Variants in SMYD3 observed in about 807,000 individuals in gnomAD.
SMYD3 encodes the protein histone-lysine N-methyltransferase SMYD3.
SMYD3 carries 36 observed loss-of-function variants against 57.7 expected under a neutral mutation model. That is an observed-to-expected ratio of 0.62 (90% CI 0.48 to 0.82). SMYD3 has a LOEUF of 0.82. SMYD3 is among the 40% of genes least tolerant of loss of function. The pLI is 0.00. For synonymous variants in SMYD3, 211 were observed against 195.0 expected (o/e 1.08, Z -0.68); for missense variants, 515 against 538.8 (o/e 0.96, Z 0.44).
At chr1:246,506,479 T>A (rs1201296326) in intron 1 of SMYD3, among the ~76,000 whole-genome samples, 1 of 152,126 alleles carries the variant, frequency 6.6e-6, no homozygotes, top group Admixed American at 6.5e-5. Flanking sequence ...ATTCTCTCTC[T>A]CACTTGATCA....
At chr1:246,294,219 T>C (rs2064751147) in intron 5 of SMYD3, among the ~76,000 whole-genome samples, 1 of 152,146 alleles carries the variant, frequency 6.6e-6, no homozygotes, top group Non-Finnish European at 1.5e-5. Context: ...TCCTCATTTC[T>C]AAATACCGGC....
intron 1 of SMYD3, among the ~76,000 whole-genome samples, chr1:246,412,858 CAAA>C (rs35012889): frequency 5.8e-5 from 7 of 120,386 alleles, no homozygotes; most frequent in Admixed American, 8.6e-5. Context: ...GACTCCGTCT[CAAA>C]AAAAAAAAAA....
At chr1:246,060,955 T>C (rs552356304) in intron 5 of SMYD3, among the ~76,000 whole-genome samples, 1 of 152,316 alleles carries the variant, frequency 6.6e-6, no homozygotes, top group Admixed American at 6.5e-5. Flanking sequence ...AGGCCAGGCA[T>C]GGTGGCTCAC....
At chr1:245,811,732 A>C (rs189201930) in intron 10 of SMYD3, among the ~76,000 whole-genome samples, 1 of 152,324 alleles carries the variant, frequency 6.6e-6, no homozygotes, top group Non-Finnish European at 1.5e-5. Flanking sequence ...GCCAATAACC[A>C]CTATTTCTTG....
intron 10 of SMYD3, among the ~76,000 whole-genome samples, chr1:245,794,859 A>C (rs375753441): frequency 1.3e-5 from 2 of 151,928 alleles, no homozygotes; most frequent in African/African-American, 4.8e-5. Context: ...CTTGTTTCAC[A>C]TATGTTTGTC....
intron 5 of SMYD3, among the ~76,000 whole-genome samples, chr1:246,062,706 G>C (rs1050799073): frequency 1.3e-5 from 2 of 152,040 alleles, no homozygotes; most frequent in Non-Finnish European, 2.9e-5. Context: ...TAACCCCTTT[G>C]AACACTTGAC....
chr1:246,208,840 G>T lies in SMYD3; in HGVS notation c.531+118361C>A, dbSNP rs547465451. Reference sequence around the variant, plus strand: ...GAATCAATAATATTAAACAGCATGTGGAATGGGGGAAAACCAAGTGTAAAG... The same window carrying T: ...GAATCAATAATATTAAACAGCATGTTGAATGGGGGAAAACCAAGTGTAAAG... On this transcript the variant is annotated intron_variant, in intron 5 of 11. Transcript: ENST00000490107. Among the ~76,000 whole-genome samples the T allele has an allele frequency of 2.0e-5, 3 of 151,622 alleles. No individual in the cohort carries two copies. In the South Asian group the frequency reaches 6.2e-4, roughly 31 times the overall value.
intron 5 of SMYD3, among the ~76,000 whole-genome samples, chr1:246,289,606 T>C (rs886504827): frequency 2.0e-4 from 31 of 152,358 alleles, no homozygotes; most frequent in African/African-American, 7.5e-4. Flanking sequence ...TGACTGGTAG[T>C]GTATGTAAAT....
intron 1 of SMYD3, among the ~76,000 whole-genome samples, chr1:246,413,093 C>A (rs2067003870): frequency 6.6e-6 from 1 of 152,140 alleles, no homozygotes; most frequent in Admixed American, 6.5e-5. Flanking sequence ...TTGTCTAATT[C>A]TATTACATCA....
At chr1:246,293,219 A>T (rs1021445187) in intron 5 of SMYD3, among the ~76,000 whole-genome samples, 7 of 151,958 alleles carry the variant, frequency 4.6e-5, no homozygotes, top group Non-Finnish European at 7.4e-5. Context: ...CCCTCTCTCC[A>T]TGAGGCCCCA....
chr1:246,184,690 A>T (rs1363103597), intron 5 of SMYD3, among the ~76,000 whole-genome samples: 1 of 152,176 alleles, frequency 6.6e-6, no homozygotes, highest in African/African-American at 2.4e-5. Context: ...GGTAGAGACC[A>T]GAGAGCTCAT....
At chr1:246,096,626 G>A (rs908106801) in intron 5 of SMYD3, among the ~76,000 whole-genome samples, 18 of 152,142 alleles carry the variant, frequency 1.2e-4, no homozygotes, top group Non-Finnish European at 1.0e-4. Flanking sequence ...GGGTACTTGG[G>A]AGCCTAAACA....
At chr1:246,451,521 G>A (rs2067632098) in intron 1 of SMYD3, among the ~76,000 whole-genome samples, 1 of 152,196 alleles carries the variant, frequency 6.6e-6, no homozygotes, top group African/African-American at 2.4e-5. Flanking sequence ...GGGATTCAGG[G>A]GGCAGGGAAA....
intron 5 of SMYD3, among the ~76,000 whole-genome samples, chr1:246,022,445 G>C (rs1297943989): frequency 6.6e-6 from 1 of 152,132 alleles, no homozygotes; most frequent in African/African-American, 2.4e-5. Context: ...TTTAAATCCT[G>C]ACTTTGACAC....
chr1:246,221,986 G>A (rs1022307790), intron 5 of SMYD3, among the ~76,000 whole-genome samples: 3 of 152,092 alleles, frequency 2.0e-5, no homozygotes. Flanking sequence ...ATTCACATAG[G>A]GTTGAATCTG....
chr1:246,143,722 A>G (rs992070632), intron 5 of SMYD3, among the ~76,000 whole-genome samples: 1 of 152,152 alleles, frequency 6.6e-6, no homozygotes, highest in Non-Finnish European at 1.5e-5. Context: ...ATAAATGTCA[A>G]ATTAGTAAGG....
chr1:246,164,942 C>T (rs577739058), intron 5 of SMYD3, among the ~76,000 whole-genome samples: 6 of 152,302 alleles, frequency 3.9e-5, no homozygotes, highest in African/African-American at 7.2e-5. Flanking sequence ...CACACAGAGA[C>T]GGTGAATGAA....
intron 10 of SMYD3, among the ~76,000 whole-genome samples, chr1:245,857,173 A>G (rs1236099792): frequency 2.0e-5 from 3 of 152,170 alleles, no homozygotes; most frequent in Non-Finnish European, 4.4e-5. Context: ...GCAGTGGAGG[A>G]AACCATCTAC....
At chr1:245,893,996 G>C (rs1049236019) in intron 8 of SMYD3, among the ~76,000 whole-genome samples, 2 of 152,164 alleles carry the variant, frequency 1.3e-5, no homozygotes, top group African/African-American at 4.8e-5. Flanking sequence ...CCCTAACTTT[G>C]ATATGGTTGT....
Sources: allele counts gnomAD v4.1 joint callset (sites outside exome capture counted in the v4.1 genomes callset), GRCh38; gene constraint gnomAD v4.1.1; transcripts MANE v1.5; gene names NCBI Gene and HGNC (gene_info 2026-07-23, HGNC 2026-07-21).